KLF8: variants seen among roughly 807,000 people sequenced by gnomAD.
KLF8 encodes KLF transcription factor 8.
Under a neutral mutation model 18.2 loss-of-function variants are expected in KLF8, and 10 were observed. That is an observed-to-expected ratio of 0.55 (90% CI 0.34 to 0.93). The LOEUF (loss-of-function observed/expected upper bound fraction) is 0.93, where lower values mean the gene tolerates loss of function less well. Among genes scored for constraint, KLF8 ranks in the 40% least tolerant of loss-of-function variants. The probability of loss-of-function intolerance (pLI) is 0.02; values close to 1 mark genes in which losing one functional copy is unlikely to be tolerated. For missense variants in KLF8, 264 were observed against 277.9 expected (o/e 0.95, Z 0.36); for synonymous variants, 109 against 97.3 (o/e 1.12, Z -0.71).
rs1198105915 is a variant in KLF8 at position 56,285,389 on chromosome X, A to T, written c.*895A>T. The T allele has an allele frequency of 1.5e-4, 17 of 111,816 alleles. No homozygotes were observed. The highest frequency in any genetic ancestry group is 2.6e-4 in the Non-Finnish European group (14 of 53,197). The allele number at this position is 111,816 out of a possible 1,213,427, so 9.2% of individuals were successfully genotyped here. On this transcript the variant is annotated 3_prime_UTR_variant, in exon 6 of 6. Coordinates refer to ENST00000468660, the MANE Select transcript of KLF8 (RefSeq NM_007250.5). The stretch of plus-strand genomic sequence containing the variant: ...AGAGGGGTTCCTTTACTTGTATAGG[A>T]TATCAAAAGTGCTGTTAATCACAAA...
chrX:56,197,507 G>C, the KLF8 span, among the ~76,000 whole-genome samples: 17 of 111,428 alleles, frequency 1.5e-4, no homozygotes, highest in Non-Finnish European at 2.1e-4. Context: ...ATAAATTCCT[G>C]GACACATACA....
At chrX:56,038,158 G>A in the KLF8 span, among the ~76,000 whole-genome samples, 1 of 112,045 alleles carries the variant, frequency 8.9e-6, no homozygotes, top group East Asian at 2.8e-4. Context: ...TGACTGGGTC[G>A]TATTCTTTTT....
chrX:56,207,649 A>G, the KLF8 span, among the ~76,000 whole-genome samples: 1 of 111,252 alleles, frequency 9.0e-6, no homozygotes, highest in African/African-American at 3.3e-5. Flanking sequence ...TATCACTATC[A>G]GCATTTTGGT....
the KLF8 span, among the ~76,000 whole-genome samples, chrX:56,093,870 G>A: frequency 1.2e-4 from 13 of 105,171 alleles, no homozygotes; most frequent in Non-Finnish European, 1.2e-4. Flanking sequence ...AAGACTACAT[G>A]GATTAATTGT....
the KLF8 span, among the ~76,000 whole-genome samples, chrX:56,037,275 G>A: frequency 7.0e-4 from 78 of 111,357 alleles, no homozygotes; most frequent in African/African-American, 2.3e-3. Context: ...CCACTTGATC[G>A]TGGTGTATTA....
At chrX:56,199,663 G>A in the KLF8 span, among the ~76,000 whole-genome samples, 1 of 111,936 alleles carries the variant, frequency 8.9e-6, no homozygotes, top group Non-Finnish European at 1.9e-5. Flanking sequence ...TATTGTCTAA[G>A]AGAGTGTGGC....
chrX:56,104,439 C>T, the KLF8 span, among the ~76,000 whole-genome samples: 1 of 111,414 alleles, frequency 9.0e-6, no homozygotes, highest in African/African-American at 3.3e-5. Context: ...CTGGTTTAGT[C>T]TTGGGAGGGT....
At chrX:56,072,732 C>G in the KLF8 span, among the ~76,000 whole-genome samples, 2 of 111,269 alleles carry the variant, frequency 1.8e-5, no homozygotes, top group Non-Finnish European at 3.8e-5. Flanking sequence ...GCATTTTAAC[C>G]ATTTTAAATG....
chrX:56,089,718 G>A, the KLF8 span, among the ~76,000 whole-genome samples: 2 of 111,796 alleles, frequency 1.8e-5, no homozygotes, highest in Admixed American at 9.5e-5. Flanking sequence ...TACTGGGATG[G>A]GTAAACTTAA....
chrX:56,008,224 G>A, the KLF8 span, among the ~76,000 whole-genome samples: 1 of 108,916 alleles, frequency 9.2e-6, no homozygotes, highest in African/African-American at 3.4e-5. Context: ...AAATAAAAAT[G>A]GGGGGAGGTG....
At chrX:56,172,792 G>A in the KLF8 span, among the ~76,000 whole-genome samples, 1 of 111,352 alleles carries the variant, frequency 9.0e-6, no homozygotes, top group South Asian at 3.7e-4. Flanking sequence ...TTTCATAATC[G>A]CCATTGTAAC....
chrX:55,928,644 G>A, the KLF8 span, among the ~76,000 whole-genome samples: 2 of 111,246 alleles, frequency 1.8e-5, no homozygotes, highest in South Asian at 7.6e-4. Context: ...TCCTGTTTTA[G>A]TTTGCTAAGA....
chrX:55,937,239 C>G, the KLF8 span, among the ~76,000 whole-genome samples: 1 of 111,748 alleles, frequency 8.9e-6, no homozygotes, highest in Admixed American at 9.5e-5. Context: ...TCTGCAGCGA[C>G]CACTGCTGAT....
chrX:56,283,975 C>A (rs1172362754), intron 5 of KLF8, among the ~76,000 whole-genome samples: 2 of 111,473 alleles, frequency 1.8e-5, no homozygotes, highest in Non-Finnish European at 3.8e-5. Context: ...CTTTAGAACT[C>A]CTGTAGGTAA....
the KLF8 span, among the ~76,000 whole-genome samples, chrX:56,185,652 C>T: frequency 8.9e-6 from 1 of 112,083 alleles, no homozygotes; most frequent in Non-Finnish European, 1.9e-5. Flanking sequence ...CAAAGGGAAG[C>T]CCATCAGACT....
At chrX:55,996,077 T>C in the KLF8 span, among the ~76,000 whole-genome samples, 1 of 112,195 alleles carries the variant, frequency 8.9e-6, no homozygotes, top group East Asian at 2.8e-4. Context: ...TTATTTTTTC[T>C]TTATTTTTGT....
At chrX:56,129,359 G>A in the KLF8 span, among the ~76,000 whole-genome samples, 4 of 112,183 alleles carry the variant, frequency 3.6e-5, no homozygotes, top group East Asian at 1.1e-3. Context: ...CCTAAACTGG[G>A]AAAGTGGGAA....
the KLF8 span, among the ~76,000 whole-genome samples, chrX:56,205,947 C>T: frequency 8.9e-6 from 1 of 111,947 alleles, no homozygotes; most frequent in African/African-American, 3.2e-5. Flanking sequence ...AATTGACTCA[C>T]AGTTCCACAT....
At chrX:56,187,204 C>T in the KLF8 span, among the ~76,000 whole-genome samples, 1 of 111,360 alleles carries the variant, frequency 9.0e-6, no homozygotes, top group African/African-American at 3.3e-5. Flanking sequence ...ACCATCGATC[C>T]CACAGAAATA....
Sources: allele counts gnomAD v4.1 joint callset (sites outside exome capture counted in the v4.1 genomes callset), GRCh38; gene constraint gnomAD v4.1.1; transcripts MANE v1.5; gene names NCBI Gene and HGNC (gene_info 2026-07-23, HGNC 2026-07-21).